CNTNAP2: variants seen among roughly 807,000 people sequenced by gnomAD.
The protein encoded by CNTNAP2 is contactin-associated protein-like 2.
Under a neutral mutation model 155.2 loss-of-function variants are expected in CNTNAP2, and 98 were observed. That is an observed-to-expected ratio of 0.63 (90% CI 0.54 to 0.75). The LOEUF (loss-of-function observed/expected upper bound fraction) is 0.75, where lower values mean the gene tolerates loss of function less well. CNTNAP2 is among the 30% of genes least tolerant of loss of function. The pLI, the probability that CNTNAP2 is intolerant of heterozygous loss-of-function variation, is 0.00. For missense variants in CNTNAP2, 1,727 were observed against 1,688.1 expected (o/e 1.02, Z -0.40); for synonymous variants, 651 against 631.2 (o/e 1.03, Z -0.47).
intron 2 of CNTNAP2, among the ~76,000 whole-genome samples, chr7:146,791,248 T>G (rs1289381006): frequency 6.6e-6 from 1 of 152,184 alleles, no homozygotes. Context: ...GCTTCATCCA[T>G]GTCCCTGCAA....
intron 1 of CNTNAP2, among the ~76,000 whole-genome samples, chr7:146,201,046 G>A (rs115012683): frequency 0.015 from 2,321 of 152,240 alleles, 45 homozygotes; most frequent in African/African-American, 0.052. Flanking sequence ...TGTTTCTCAC[G>A]AGTGGTCATC....
chr7:148,394,785 C>T (rs1330591864), intron 22 of CNTNAP2, among the ~76,000 whole-genome samples: 1 of 152,184 alleles, frequency 6.6e-6, no homozygotes, highest in Non-Finnish European at 1.5e-5. Flanking sequence ...GCTGATGCAG[C>T]GGGTCCCTGG....
chr7:146,220,123 A>T (rs545157917), intron 1 of CNTNAP2, among the ~76,000 whole-genome samples: 2 of 152,304 alleles, frequency 1.3e-5, no homozygotes, highest in African/African-American at 4.8e-5. Context: ...TTTTCAAATG[A>T]TGTCTTAATT....
intron 15 of CNTNAP2, among the ~76,000 whole-genome samples, chr7:147,983,036 A>AG (rs397709889): frequency 8.7e-6 from 1 of 115,326 alleles, no homozygotes; most frequent in African/African-American, 2.9e-5. Context: ...AAAAAAAAAA[A>AG]GCAAAAACAG....
At chr7:148,101,871 CTT>C (rs1804109177) in intron 15 of CNTNAP2, among the ~76,000 whole-genome samples, 1 of 152,176 alleles carries the variant, frequency 6.6e-6, no homozygotes, top group Non-Finnish European at 1.5e-5. Context: ...TTTAAATTCA[CTT>C]TTAAAAATAT....
chr7:148,360,252 G>A (rs1798593257), intron 21 of CNTNAP2, among the ~76,000 whole-genome samples: 1 of 152,122 alleles, frequency 6.6e-6, no homozygotes, highest in Non-Finnish European at 1.5e-5. Context: ...TTAAACCTTC[G>A]GGACATGCAA....
At chr7:146,395,802 T>G (rs1795613664) in intron 1 of CNTNAP2, among the ~76,000 whole-genome samples, 2 of 138,426 alleles carry the variant, frequency 1.4e-5, no homozygotes, top group African/African-American at 6.2e-5. Context: ...GATAGATAGA[T>G]AGATAGATAG....
intron 13 of CNTNAP2, among the ~76,000 whole-genome samples, chr7:147,827,783 G>A (rs772439536): frequency 3.3e-5 from 5 of 152,148 alleles, no homozygotes; most frequent in Non-Finnish European, 7.4e-5. Flanking sequence ...TGCCAGGGAG[G>A]TTTCTGACCA....
intron 13 of CNTNAP2, among the ~76,000 whole-genome samples, chr7:147,658,728 G>T (rs1795568666): frequency 6.6e-6 from 1 of 152,164 alleles, no homozygotes; most frequent in African/African-American, 2.4e-5. Context: ...GGACTGTGGA[G>T]CCCTTTCTCC....
chr7:148,355,018 G>A (rs1223011876), intron 21 of CNTNAP2, among the ~76,000 whole-genome samples: 1 of 152,098 alleles, frequency 6.6e-6, no homozygotes, highest in African/African-American at 2.4e-5. Flanking sequence ...TACATGAGAT[G>A]TGTGGAAAGC....
rs549696361 is a variant in CNTNAP2, at chr7:148,305,479, G to A, written c.3475+38353G>A. On this transcript the variant is annotated intron_variant, in intron 21 of 23. Coordinates refer to ENST00000361727, the MANE Select transcript of CNTNAP2 (RefSeq NM_014141.6). ...GGATAGGCCTTGGGCATCTGTATTA[G>A]TCTGTCTTCCTTCTGCTATAAAGAA... is the stretch of plus-strand genomic sequence containing the variant. Among the ~76,000 whole-genome samples the A allele has an allele frequency of 3.3e-5, 5 of 152,218 alleles. No homozygotes were observed. The East Asian group carries it at 5.8e-4, about 18-fold the overall frequency.
At chr7:147,937,382 G>A (rs1023155807) in intron 14 of CNTNAP2, among the ~76,000 whole-genome samples, 10 of 152,000 alleles carry the variant, frequency 6.6e-5, no homozygotes, top group Non-Finnish European at 1.3e-4. Flanking sequence ...GTTGCCCATG[G>A]TTTGCCCAAT....
chr7:147,087,157 C>A (rs1489333749), intron 4 of CNTNAP2, among the ~76,000 whole-genome samples: 3 of 152,166 alleles, frequency 2.0e-5, no homozygotes, highest in Admixed American at 6.6e-5. Flanking sequence ...GCCTCAAGTT[C>A]CCTCTGCAGC....
chr7:146,424,261 A>G (rs2129114945), intron 1 of CNTNAP2, among the ~76,000 whole-genome samples: 1 of 152,342 alleles, frequency 6.6e-6, no homozygotes, highest in East Asian at 1.9e-4. Context: ...GTAATTCACT[A>G]AAACTCACAG....
At chr7:146,558,947 T>G (rs1798239573) in intron 1 of CNTNAP2, among the ~76,000 whole-genome samples, 2 of 152,212 alleles carry the variant, frequency 1.3e-5, no homozygotes, top group South Asian at 2.1e-4. Flanking sequence ...TCTCAAATCC[T>G]GACAATTTCT....
intron 2 of CNTNAP2, among the ~76,000 whole-genome samples, chr7:146,837,355 A>C (rs1410501268): frequency 6.6e-6 from 1 of 152,080 alleles, no homozygotes; most frequent in African/African-American, 2.4e-5. Context: ...AAGCCCATCC[A>C]TTAAATTTTC....
intron 13 of CNTNAP2, among the ~76,000 whole-genome samples, chr7:147,877,087 C>T (rs1185644041): frequency 1.3e-5 from 2 of 151,996 alleles, no homozygotes; most frequent in East Asian, 1.9e-4. Flanking sequence ...GGGAGTTTTT[C>T]GGTTATTTTT....
intron 8 of CNTNAP2, among the ~76,000 whole-genome samples, chr7:147,174,081 G>C (rs936894203): frequency 3.9e-5 from 6 of 151,986 alleles, no homozygotes; most frequent in African/African-American, 1.5e-4. Context: ...TGTCCCATCA[G>C]CACAAAAAAA....
chr7:148,032,294 C>T (rs1802492173), intron 15 of CNTNAP2, among the ~76,000 whole-genome samples: 1 of 152,064 alleles, frequency 6.6e-6, no homozygotes, highest in African/African-American at 2.4e-5. Context: ...ACTAACATTT[C>T]AAGAAAATAA....
Sources: allele counts gnomAD v4.1 joint callset (sites outside exome capture counted in the v4.1 genomes callset), GRCh38; gene constraint gnomAD v4.1.1; transcripts MANE v1.5; gene names NCBI Gene and HGNC (gene_info 2026-07-23, HGNC 2026-07-21).